Variants in MCOLN1 observed in about 807,000 individuals in gnomAD.
MCOLN1 encodes the protein mucolipin TRP cation channel 1.
A neutral mutation model predicts 70.3 loss-of-function variants in MCOLN1; 50 were observed. That is an observed-to-expected ratio of 0.71 (90% CI 0.57 to 0.90). MCOLN1 has a LOEUF of 0.90. Among genes scored for constraint, MCOLN1 ranks in the 40% least tolerant of loss-of-function variants. MCOLN1 has a pLI of 0.00. For missense variants in MCOLN1, 598 were observed against 803.5 expected, an observed-to-expected ratio of 0.74 and a Z score of 3.09; for synonymous variants, 366 against 341.0, an observed-to-expected ratio of 1.07 and a Z score of -0.81.
At chr19:7,527,201 G>C (rs2022584029) in intron 4 of MCOLN1, 1 of 573,068 alleles carries the variant, frequency 1.7e-6, no homozygotes, top group African/African-American at 1.9e-5. Flanking sequence ...GAGTCCGGGA[G>C]GTTGAGGCTG....
chr19:7,528,403 C>G lies in MCOLN1; in HGVS notation c.877+146C>G, dbSNP rs2022603973. ...GATCAGCACAGACCAGGGACCCCGT[C>G]CTGTGCTGAGATCCCCCAAGCCCCA... On this transcript the variant is annotated intron_variant, in intron 7 of 13. Transcript: ENST00000264079. This position sits in a 1 kb window ranked among gnomAD's most constrained non-coding sequence, Gnocchi z 4.2. The G allele has an allele frequency of 8.0e-6, 8 of 994,618 alleles. No individual in the cohort carries two copies. The South Asian group carries it at 1.1e-4, about 14-fold the overall frequency. 61.6% of individuals were successfully genotyped at this position (994,618 alleles called of 1,614,324 possible). A position where few individuals can be genotyped will look rare whatever the true frequency, so the allele number is the denominator to read the frequency against.
Position 7,529,221 on chromosome 19 carries a change from G to A in MCOLN1, c.1236+19G>A. On this transcript the variant is annotated intron_variant, in intron 10 of 13. Transcript: ENST00000264079. ...CTACAATGTGAGTTTTGCACATGCA[G>A]CTGGGCCTTCCACATGGTTACTCCA... 1 of 1,597,592 alleles carries A rather than the reference G, an allele frequency of 6.3e-7. No individual in the cohort carries two copies. Among genetic ancestry groups the A allele is most frequent in the East Asian group, 2.2e-5 (1 of 44,824 alleles).
In MCOLN1 at chr19:7,528,482, GACCA is replaced by G. The variant is rs2022604781; in HGVS notation, c.878-109_878-106del. On this transcript the variant is annotated intron_variant, in intron 7 of 13. Coordinates refer to ENST00000264079, the MANE Select transcript of MCOLN1 (RefSeq NM_020533.3). This position sits in a 1 kb window ranked among gnomAD's most constrained non-coding sequence, Gnocchi z 4.2. ...ACCCCAAGCAAGCCCTGAGCCCACT[GACCA>G]ACCAAAACCAGCCGTGCAGCCCCCT... 1.4e-5 allele frequency: 20 copies of G among 1,403,918 alleles called. No individual in the cohort carries two copies. Among genetic ancestry groups the G allele is most frequent in the Admixed American group, 3.9e-5 (2 of 51,150 alleles). The allele number at this position is 1,403,918 out of a possible 1,614,324, so 87.0% of individuals were successfully genotyped here.
Position 7,526,894 on chromosome 19 carries a change from A to G in MCOLN1, c.539A>G (p.Asp180Gly). 6.2e-7 allele frequency: 1 copy of G among 1,613,796 alleles called. No homozygotes were observed. The highest frequency in any genetic ancestry group is 2.2e-5 in the East Asian group (1 of 44,866). The change falls in exon 4 of 14, where the codon GAC (aspartate) becomes GGC (glycine). Residue 180 changes from aspartate to glycine, a missense_variant. Asp to Gly is a moderately conservative substitution (Grantham distance 94). Coordinates refer to ENST00000264079, the MANE Select transcript of MCOLN1 (RefSeq NM_020533.3). This position sits in a 1 kb window ranked among gnomAD's most constrained non-coding sequence, Gnocchi z 4.6. ...YHRGHVDPAN[D>G]TFDIDPMVVT... ...CGAGGCCACGTGGACCCGGCCAACGACACATTTGACATTGATCCGATGGTG... is the reference window on the plus strand; with the variant it reads ...CGAGGCCACGTGGACCCGGCCAACGGCACATTTGACATTGATCCGATGGTG...
Position 7,528,143 on chromosome 19 carries a change from A to T in MCOLN1, c.778-15A>T, listed in dbSNP as rs772579928. The T allele has an allele frequency of 8.1e-6, 13 of 1,613,542 alleles. 1 individual carries two copies. The Admixed American group carries it at 1.0e-4, about 12-fold the overall frequency. On this transcript the variant is annotated splice_polypyrimidine_tract_variant and intron_variant, in intron 6 of 13. Transcript: ENST00000264079. This position sits in a 1 kb window ranked among gnomAD's most constrained non-coding sequence, Gnocchi z 4.2. ...GGCTGCCAAGGTTTACTCTGCCCCC[A>T]ACTGGCCCCCACAGATCACGTTTGA...
Position 7,526,888 on chromosome 19 carries a change from C to G in MCOLN1, c.533C>G (p.Ala178Gly). The G allele has an allele frequency of 6.2e-7, 1 of 1,613,972 alleles. No homozygotes were observed. The highest frequency in any genetic ancestry group is 8.5e-7 in the Non-Finnish European group (1 of 1,180,010). Residue 178 changes from alanine to glycine, a missense_variant, in exon 4 of 14, where the codon GCC (alanine) becomes GGC (glycine). Ala to Gly is a moderately conservative substitution (Grantham distance 60). Coordinates refer to ENST00000264079, the MANE Select transcript of MCOLN1 (RefSeq NM_020533.3). The surrounding 1 kb of genome is among the most constrained non-coding windows in gnomAD (Gnocchi z 4.6). The part of the protein sequence containing the change: ...RYYHRGHVDP[A>G]NDTFDIDPMV... ...TACCACCGAGGCCACGTGGACCCGG[C>G]CAACGACACATTTGACATTGATCCG...
chr19:7,527,748 C>A, intron 5 of MCOLN1, 116 bp from the exon 6 acceptor site: 1 of 1,106,296 alleles, frequency 9.0e-7, no homozygotes, highest in Non-Finnish European at 1.4e-6. Flanking sequence ...CTGGTGCCTG[C>A]TGGGTGAGCA....
In MCOLN1 at chr19:7,533,858, C is replaced by G. The variant is rs781566729; in HGVS notation, c.*63C>G. On this transcript the variant is annotated 3_prime_UTR_variant, in exon 14 of 14. Transcript: ENST00000264079. ...GCAGAGACCCCCGCCCCCGACCCCG[C>G]TTATTTATTTGTAGGGTTTGCTTTT... 3 of 1,591,272 alleles carry G rather than the reference C, an allele frequency of 1.9e-6. No individual in the cohort carries two copies. The African/African-American group carries it at 4.0e-5, about 21-fold the overall frequency.
At position 7,530,512 on chromosome 19, in the gene MCOLN1, T is replaced by C; in HGVS notation, c.1575+11T>C. 1.2e-6 allele frequency: 2 copies of C among 1,606,704 alleles called. No homozygotes were observed. The highest frequency in any genetic ancestry group is 1.7e-6 in the Non-Finnish European group (2 of 1,179,534). On this transcript the variant is annotated intron_variant, in intron 12 of 13. Transcript: ENST00000264079. Reference sequence around the variant, plus strand: ...TACGACACCATCAAGGTCAGCCGCATGCACCCAGCCCTGAGCTCGGGCTCT... The same window carrying C: ...TACGACACCATCAAGGTCAGCCGCACGCACCCAGCCCTGAGCTCGGGCTCT...
rs1053750876 is a variant in MCOLN1 at position 7,522,700 on chromosome 19, G to A, written c.-51G>A. 3 of 1,437,778 alleles carry A rather than the reference G, an allele frequency of 2.1e-6. No homozygotes were observed. Among genetic ancestry groups the A allele is most frequent in the Admixed American group, 4.9e-5 (2 of 40,430 alleles). The allele number at this position is 1,437,778 out of a possible 1,614,324, so 89.1% of individuals were successfully genotyped here. ...TCGCAGTGACAGCGGCGGGCGATCG[G>A]ACCCAGGCTGCCCCGCCGTACCCGC... On this transcript the variant is annotated 5_prime_UTR_variant, in exon 1 of 14. Transcript: ENST00000264079.
At position 7,525,880 on chromosome 19, in the gene MCOLN1, T is replaced by C. The variant is rs150546969; in HGVS notation, c.238-559T>C. 738 of 178,666 alleles carry C rather than the reference T, an allele frequency of 4.1e-3. 11 individuals carry two copies. Among genetic ancestry groups the C allele is most frequent in the African/African-American group, 0.017 (715 of 42,016 alleles). The allele number at this position is 178,666 out of a possible 1,614,324, so 11.1% of individuals were successfully genotyped here. On this transcript the variant is annotated intron_variant, in intron 2 of 13. Coordinates refer to ENST00000264079, the MANE Select transcript of MCOLN1 (RefSeq NM_020533.3). This position sits in a 1 kb window ranked among gnomAD's most constrained non-coding sequence, Gnocchi z 4.2. ...GAGTTTGAGACCAGCCTGGCCAACA[T>C]TGCAAAACCCCGTCTCTACTAAAAA...
At chr19:7,529,750 T>C in intron 11 of MCOLN1, 38 bp downstream of exon 11, 1 of 1,613,216 alleles carries the variant, frequency 6.2e-7, no homozygotes, top group East Asian at 2.2e-5. Flanking sequence ...ATTGACCCTG[T>C]GACCTTGTCA....
chr19:7,525,836 G>A lies in MCOLN1; in HGVS notation c.238-603G>A, dbSNP rs1164933656. 24 of 171,652 alleles carry A rather than the reference G, an allele frequency of 1.4e-4. No individual in the cohort carries two copies. Among genetic ancestry groups the A allele is most frequent in the Admixed American group, 1.3e-3 (23 of 18,300 alleles). 10.6% of individuals were successfully genotyped at this position (171,652 alleles called of 1,614,324 possible). ...CCAGCACTTTGGGAGGCTGAGTTGGGTGGATCATTTGAGGCCAGGAGTTTG... is the reference window on the plus strand; with the variant it reads ...CCAGCACTTTGGGAGGCTGAGTTGGATGGATCATTTGAGGCCAGGAGTTTG... On this transcript the variant is annotated intron_variant, in intron 2 of 13. Coordinates refer to ENST00000264079, the MANE Select transcript of MCOLN1 (RefSeq NM_020533.3). This position sits in a 1 kb window ranked among gnomAD's most constrained non-coding sequence, Gnocchi z 4.2.
chr19:7,527,740 G>C, intron 5 of MCOLN1, 112 bp downstream of exon 5: 1 of 1,082,506 alleles, frequency 9.2e-7, no homozygotes, highest in Non-Finnish European at 1.4e-6. Context: ...CGCCCGCGCT[G>C]GTGCCTGCTG....
At position 7,527,563 on chromosome 19, in the gene MCOLN1, C is replaced by T. The variant is rs1244521625; in HGVS notation, c.615C>T (p.Pro205=). 3 of 1,612,422 alleles carry T rather than the reference C, an allele frequency of 1.9e-6. No individual in the cohort carries two copies. The highest frequency in any genetic ancestry group is 2.5e-6 in the Non-Finnish European group (3 of 1,178,408). ...VDPPERPPPP[P]SDDLTLLESS... ...CCCCCGAGCGGCCCCCTCCGCCCCCCAGCGACGATCTCACCCTCTTGGAAA... is the reference window on the plus strand; with the variant it reads ...CCCCCGAGCGGCCCCCTCCGCCCCCTAGCGACGATCTCACCCTCTTGGAAA... The change falls in exon 5 of 14, where the codon CCC becomes CCT. Residue 205 remains proline, a synonymous_variant. Coordinates refer to ENST00000264079, the MANE Select transcript of MCOLN1 (RefSeq NM_020533.3).
In MCOLN1 at chr19:7,525,507, C is replaced by T. The variant is rs539890408; in HGVS notation, c.237+341C>T. ...GACTGTCTCAAAAAAAAAAAGAAGC[C>T]GACTCTGAGGCTCAGAGAGGTTAGG... is the stretch of plus-strand genomic sequence containing the variant. On this transcript the variant is annotated intron_variant, in intron 2 of 13. Coordinates refer to ENST00000264079, the MANE Select transcript of MCOLN1 (RefSeq NM_020533.3). The surrounding 1 kb of genome is among the most constrained non-coding windows in gnomAD (Gnocchi z 4.2). 3.5e-5 allele frequency: 11 copies of T among 316,834 alleles called. No homozygotes were observed. The highest frequency in any genetic ancestry group is 1.1e-4 in the African/African-American group (5 of 45,102). The allele number at this position is 316,834 out of a possible 1,614,324, so 19.6% of individuals were successfully genotyped here.
At chr19:7,532,539 A>AC (rs1322038445) in intron 12 of MCOLN1, among the ~76,000 whole-genome samples, 1 of 151,968 alleles carries the variant, frequency 6.6e-6, no homozygotes, top group Non-Finnish European at 1.5e-5. Context: ...ACATGGCAAA[A>AC]CCCCATCTCT....
In MCOLN1 at chr19:7,526,204, GA is replaced by G. The variant is rs1457113595; in HGVS notation, c.238-234del. 1.7e-6 allele frequency: 1 copy of G among 604,172 alleles called. No homozygotes were observed. The highest frequency in any genetic ancestry group is 2.7e-5 in the Admixed American group (1 of 37,586). 37.4% of individuals were successfully genotyped at this position (604,172 alleles called of 1,614,324 possible). ...AGTCCCCACCCTGTGTTGTACGGGG[GA>G]GGACACAGTGGTGGGCGTGGCATGG... On this transcript the variant is annotated intron_variant, in intron 2 of 13. Coordinates refer to ENST00000264079, the MANE Select transcript of MCOLN1 (RefSeq NM_020533.3). The surrounding 1 kb of genome is among the most constrained non-coding windows in gnomAD (Gnocchi z 4.6).
At chr19:7,527,777 G>A in intron 5 of MCOLN1, 87 bp from the exon 6 acceptor site, 1 of 1,224,984 alleles carries the variant, frequency 8.2e-7, no homozygotes, top group Non-Finnish European at 1.2e-6. Flanking sequence ...GCCAGCTGCA[G>A]AGTCAGCACG....
Sources: allele counts gnomAD v4.1 joint callset (sites outside exome capture counted in the v4.1 genomes callset), GRCh38; gene constraint gnomAD v4.1.1; non-coding constraint Gnocchi (gnomAD v3.1); transcripts MANE v1.5; gene names NCBI Gene and HGNC (gene_info 2026-07-23, HGNC 2026-07-21).